MAP1S: variants seen among roughly 807,000 people sequenced by gnomAD.
MAP1S encodes the protein microtubule associated protein 1S, also known as microtubule-associated protein 1S.
MAP1S carries 27 observed loss-of-function variants against 60.9 expected under a neutral mutation model. The observed-to-expected ratio is 0.44, with a 90% CI of 0.33 to 0.61. MAP1S has a LOEUF of 0.61. MAP1S is among the 20% of genes least tolerant of loss of function. MAP1S has a pLI of 0.03. For missense variants in MAP1S, 1,608 were observed against 1,486.6 expected (o/e 1.08, Z -1.34); for synonymous variants, 826 against 694.2 (o/e 1.19, Z -2.98).
At chr19:17,720,065 C>T (rs550201619) in intron 1 of MAP1S, 14 of 1,084,808 alleles carry the variant, frequency 1.3e-5, no homozygotes, top group Non-Finnish European at 1.6e-5. Flanking sequence ...GCCTGGAGCC[C>T]CGGGGCCCGC....
rs1428175699 is a variant in MAP1S, at chr19:17,719,496, C to T, written c.-7C>T. ...GCGGGCGCCGAGAACGCCGGGGCGG[C>T]CCGAAGATGGCGGCGGTGGCTGGAT... On this transcript the variant is annotated 5_prime_UTR_variant, in exon 1 of 7. Transcript: ENST00000324096. The T allele has an allele frequency of 1.6e-6, 2 of 1,242,870 alleles. No individual in the cohort carries two copies. The allele number at this position is 1,242,870 out of a possible 1,614,324, so 77.0% of individuals were successfully genotyped here. A position where few individuals can be genotyped will look rare whatever the true frequency, so the allele number is the denominator to read the frequency against.
chr19:17,720,186 G>C, intron 1 of MAP1S: 1 of 1,348,506 alleles, frequency 7.4e-7, no homozygotes, highest in Non-Finnish European at 9.5e-7. Context: ...AGGTTCACCT[G>C]CAGCCACTTG....
chr19:17,733,479 G>C (rs761241403), intron 6 of MAP1S, 51 bp downstream of exon 6: 1 of 1,427,326 alleles, frequency 7.0e-7, no homozygotes, highest in Non-Finnish European at 9.4e-7. Context: ...GCACAGATGG[G>C]TAAAACCACC....
chr19:17,734,078 G>A (rs2080517265), intron 6 of MAP1S, among the ~76,000 whole-genome samples, 195 bp from the exon 7 acceptor site: 1 of 152,174 alleles, frequency 6.6e-6, no homozygotes, highest in Non-Finnish European at 1.5e-5. Flanking sequence ...GGTGCTGGTT[G>A]GGAGGAACAG....
intron 1 of MAP1S, chr19:17,720,558 T>C: frequency 6.9e-7 from 1 of 1,442,480 alleles, no homozygotes; most frequent in East Asian, 2.5e-5. Flanking sequence ...CCGAAGGTGC[T>C]GAGGGGGAAG....
At position 17,734,362 on chromosome 19, in the gene MAP1S, G is replaced by A. The variant is rs773240016; in HGVS notation, c.3114G>A (p.Val1038=). The A allele has an allele frequency of 1.2e-6, 2 of 1,613,840 alleles. No homozygotes were observed. The highest frequency in any genetic ancestry group is 1.7e-5 in the Admixed American group (1 of 60,022). ...HARHQALGIT[V]LGSNSMVSMQ... ...GGCACCAGGCGCTGGGCATCACGGT[G>A]TTGGGCAGCAACAGCATGGTGTCCA... is the stretch of plus-strand genomic sequence containing the variant. The change falls in exon 7 of 7, where the codon GTG becomes GTA. Residue 1038 remains valine (V), a synonymous_variant. Coordinates refer to ENST00000324096, the MANE Select transcript of MAP1S (RefSeq NM_018174.6).
Position 17,727,853 on chromosome 19 carries a change from T to C in MAP1S, c.2469T>C (p.Pro823=), listed in dbSNP as rs1051210860. 2 of 1,613,078 alleles carry C rather than the reference T, an allele frequency of 1.2e-6. No individual in the cohort carries two copies. The highest frequency in any genetic ancestry group is 1.7e-6 in the Non-Finnish European group (2 of 1,179,758). ...TEGFGVPRHD[P]LPDPLKVPPP... ...GCTTTGGAGTCCCTCGCCACGACCC[T>C]TTGCCTGACCCCCTCAAGGTCCCCC... Residue 823 remains proline (P), a synonymous_variant, in exon 5 of 7, where the codon CCT becomes CCC. Transcript: ENST00000324096. The surrounding 1 kb of genome is among the most constrained non-coding windows in gnomAD (Gnocchi z 4.1).
chr19:17,728,236 G>T, intron 5 of MAP1S, 64 bp downstream of exon 5: 1 of 1,469,506 alleles, frequency 6.8e-7, no homozygotes, highest in Non-Finnish European at 9.1e-7. Flanking sequence ...AGCATAGCTC[G>T]TCCCCCTGTT....
chr19:17,724,908 G>A lies in MAP1S; in HGVS notation c.304-141G>A, dbSNP rs551464513. ...AGCAGGAGACCTGGAGACTGCCTTC[G>A]TAGCTAGTTGAGCACTGGGCTGGTC... On this transcript the variant is annotated intron_variant, in intron 3 of 6. Coordinates refer to ENST00000324096, the MANE Select transcript of MAP1S (RefSeq NM_018174.6). The A allele has an allele frequency of 7.9e-5, 80 of 1,016,938 alleles. 1 individual carries two copies. Among genetic ancestry groups the A allele is most frequent in the Middle Eastern group, 6.3e-4 (3 of 4,766 alleles). 63.0% of individuals were successfully genotyped at this position (1,016,938 alleles called of 1,614,324 possible).
chr19:17,727,597 G>C lies in MAP1S; in HGVS notation c.2213G>C (p.Cys738Ser). 1.2e-6 allele frequency: 2 copies of C among 1,607,402 alleles called. No homozygotes were observed. The highest frequency in any genetic ancestry group is 1.7e-6 in the Non-Finnish European group (2 of 1,179,738). Residue 738 changes from cysteine to serine, a missense_variant, in exon 5 of 7, where the codon TGC (cysteine) becomes TCC (serine). By Grantham distance (112) the Cys-to-Ser change is moderately radical. Coordinates refer to ENST00000324096, the MANE Select transcript of MAP1S (RefSeq NM_018174.6). The surrounding 1 kb of genome is among the most constrained non-coding windows in gnomAD (Gnocchi z 4.1). ...GCTTCCCCACACGATGTGGACCTGT[G>C]CCTGGTGTCACCCTGTGAATTTGAG... ...RSASPHDVDL[C>S]LVSPCEFEHR... is the part of the protein sequence containing the mutation.
Position 17,727,037 on chromosome 19 carries a change from C to G in MAP1S, c.1653C>G (p.Leu551=). ...VRRAASSVPN[L]KKTNAQAAPK... ...GGGCAGCCTCTTCTGTGCCCAACCT[C>G]AAGAAGACGAATGCCCAGGCGGCAC... The change falls in exon 5 of 7, where the codon CTC becomes CTG. Residue 551 remains leucine (L), a synonymous_variant. Transcript: ENST00000324096. This position sits in a 1 kb window ranked among gnomAD's most constrained non-coding sequence, Gnocchi z 4.1. 2 of 1,605,476 alleles carry G rather than the reference C, an allele frequency of 1.2e-6. No homozygotes were observed. The highest frequency in any genetic ancestry group is 1.7e-6 in the Non-Finnish European group (2 of 1,177,004).
rs563075593 is a variant in MAP1S, at chr19:17,727,918, C to T, written c.2534C>T (p.Pro845Leu). 6.2e-7 allele frequency: 1 copy of T among 1,611,650 alleles called. No homozygotes were observed. The highest frequency in any genetic ancestry group is 1.7e-5 in the Admixed American group (1 of 59,908). ...PDPSSICMVDPEMLPPKTARQ... is the reference protein window; with the variant it reads ...PDPSSICMVDLEMLPPKTARQ... Reference sequence around the variant, plus strand: ...CCATCCAGCATCTGCATGGTGGACCCCGAGATGCTGCCCCCCAAGACAGCA... The same window carrying T: ...CCATCCAGCATCTGCATGGTGGACCTCGAGATGCTGCCCCCCAAGACAGCA... The change falls in exon 5 of 7, where the codon CCC becomes CTC. Residue 845 changes from proline to leucine, a missense_variant. Physicochemically the swap from Pro to Leu is moderately conservative, Grantham distance 98. Transcript: ENST00000324096. This position sits in a 1 kb window ranked among gnomAD's most constrained non-coding sequence, Gnocchi z 4.1.
At chr19:17,722,161 G>C (rs1291227944) in intron 2 of MAP1S, among the ~76,000 whole-genome samples, 1 of 151,592 alleles carries the variant, frequency 6.6e-6, no homozygotes. Flanking sequence ...GTGGCAAAAA[G>C]CGTGCTAAGG....
chr19:17,719,780 C>A (rs569099889), intron 1 of MAP1S, 160 bp downstream of exon 1: 2 of 199,052 alleles, frequency 1.0e-5, no homozygotes, highest in East Asian at 1.9e-4. Flanking sequence ...CACCGTTAGG[C>A]GCACGACGCG....
intron 6 of MAP1S, 88 bp from the exon 7 acceptor site, chr19:17,734,185 A>G: frequency 8.7e-7 from 1 of 1,143,804 alleles, no homozygotes; most frequent in Non-Finnish European, 1.3e-6. Context: ...CCAGGAAAGG[A>G]AGGCGACTTG....
intron 2 of MAP1S, among the ~76,000 whole-genome samples, chr19:17,722,854 GA>G (rs1441117524): frequency 6.6e-6 from 1 of 152,000 alleles, no homozygotes; most frequent in Non-Finnish European, 1.5e-5. Flanking sequence ...GAGAGAGAGA[GA>G]AAGGGAAAAG....
In MAP1S at chr19:17,725,787, G is replaced by T. The variant is rs761607351; in HGVS notation, c.445-42G>T. 3 of 1,566,614 alleles carry T rather than the reference G, an allele frequency of 1.9e-6. No homozygotes were observed. Among genetic ancestry groups the T allele is most frequent in the Non-Finnish European group, 2.6e-6 (3 of 1,155,418 alleles). Reference sequence around the variant, plus strand: ...CAGTTTTCCCACCGGGCTAGGTGTTGCCTGGCTCTAGGTGGTCCCTTACCA... The same window carrying T: ...CAGTTTTCCCACCGGGCTAGGTGTTTCCTGGCTCTAGGTGGTCCCTTACCA... On this transcript the variant is annotated intron_variant, in intron 4 of 6. Transcript: ENST00000324096. The surrounding 1 kb of genome is among the most constrained non-coding windows in gnomAD (Gnocchi z 4.2).
At position 17,727,649 on chromosome 19, in the gene MAP1S, G is replaced by A. The variant is rs780632851; in HGVS notation, c.2265G>A (p.Pro755=). The A allele has an allele frequency of 7.5e-6, 12 of 1,608,400 alleles. No individual in the cohort carries two copies. Among genetic ancestry groups the A allele is most frequent in the South Asian group, 2.2e-5 (2 of 91,026 alleles). The change falls in exon 5 of 7, where the codon CCG becomes CCA. Residue 755 remains proline, a synonymous_variant. Coordinates refer to ENST00000324096, the MANE Select transcript of MAP1S (RefSeq NM_018174.6). This position sits in a 1 kb window ranked among gnomAD's most constrained non-coding sequence, Gnocchi z 4.1. ...FEHRKAVPMA[P]APASPGSSND... is the part of the protein sequence containing the mutation. Reference sequence around the variant, plus strand: ...ATCGCAAGGCGGTGCCAATGGCACCGGCACCTGCGTCCCCCGGCAGCTCGA... The same window carrying A: ...ATCGCAAGGCGGTGCCAATGGCACCAGCACCTGCGTCCCCCGGCAGCTCGA...
chr19:17,734,509 A>T lies in MAP1S; in HGVS notation c.*81A>T, dbSNP rs539129052. 8 of 1,512,864 alleles carry T rather than the reference A, an allele frequency of 5.3e-6. No homozygotes were observed. In the South Asian group the frequency reaches 8.9e-5, roughly 17 times the overall value. 93.7% of individuals were successfully genotyped at this position (1,512,864 alleles called of 1,614,324 possible). A position where few individuals can be genotyped will look rare whatever the true frequency, so the allele number is the denominator to read the frequency against. ...CACATCAGAAATAAACTGTGACTAC[A>T]CTTGGCTGTGGCCTCTCTTCTTTCT... On this transcript the variant is annotated 3_prime_UTR_variant, in exon 7 of 7. Coordinates refer to ENST00000324096, the MANE Select transcript of MAP1S (RefSeq NM_018174.6).
Sources: allele counts gnomAD v4.1 joint callset (sites outside exome capture counted in the v4.1 genomes callset), GRCh38; gene constraint gnomAD v4.1.1; non-coding constraint Gnocchi (gnomAD v3.1); transcripts MANE v1.5; gene names NCBI Gene and HGNC (gene_info 2026-07-23, HGNC 2026-07-21).